The following AMY2B variants were observed in gnomAD, a reference collection of about 807,000 sequenced individuals.
The protein encoded by AMY2B is amylase alpha 2B.
A neutral mutation model predicts 59.3 loss-of-function variants in AMY2B; 63 were observed. The ratio of observed to expected loss-of-function variants is 1.06; its 90% CI spans 0.87 to 1.31. The LOEUF is 1.31. Among genes scored for constraint, AMY2B ranks in the 50% most tolerant of loss-of-function variants. The probability of loss-of-function intolerance (pLI) is 0.00; values close to 1 mark genes in which losing one functional copy is unlikely to be tolerated. For missense variants in AMY2B, 635 were observed against 626.7 expected (o/e 1.01, Z -0.14); for synonymous variants, 180 against 198.1 (o/e 0.91, Z 0.77).
chr1:103,575,444 G>A lies in AMY2B; in HGVS notation c.1005G>A (p.Leu335=), dbSNP rs1460819565. The stretch of plus-strand genomic sequence containing the variant: ...AATATAATTATGTAACTTTCAGGCT[G>A]TATAAAATGGCAGTTGGATTTATGC... The part of the protein sequence containing the change: ...ASILTFWDAR[L]YKMAVGFMLA... The change falls in exon 7 of 10, where the codon CTG becomes CTA. Residue 335 remains leucine, a synonymous_variant. Transcript: ENST00000684275. 1 of 1,613,498 alleles carries A rather than the reference G, an allele frequency of 6.2e-7. No homozygotes were observed. Among genetic ancestry groups the A allele is most frequent in the South Asian group, 1.1e-5 (1 of 91,022 alleles).
In AMY2B at chr1:103,555,118, C is replaced by T. The variant is rs1436072056; in HGVS notation, c.-207+9C>T. On this transcript the variant is annotated intron_variant, in intron 1 of 11. Coordinates refer to the AMY2B transcript ENST00000361355. ...ACCTGGACTATGGAACTGTGCGTAA[C>T]AGCTTTGAAAGTGTATTTAAAAATT... The T allele has an allele frequency of 3.3e-5, 5 of 151,922 alleles. No individual in the cohort carries two copies. In the East Asian group the frequency reaches 9.6e-4, roughly 29 times the overall value. The allele number at this position is 151,922 out of a possible 1,614,324, so 9.4% of individuals were successfully genotyped here.
At chr1:103,578,505 G>T (rs1444623599) in intron 9 of AMY2B, among the ~76,000 whole-genome samples, 1 of 152,142 alleles carries the variant, frequency 6.6e-6, no homozygotes, top group Non-Finnish European at 1.5e-5. Context: ...GTTGCAAACA[G>T]TTGAATTGTC....
chr1:103,571,444 T>C, upstream of AMY2B: 2 of 1,440,084 alleles, frequency 1.4e-6, no homozygotes, highest in South Asian at 2.8e-5. Context: ...CTTTTTAATG[T>C]TCTTCTCCTG....
intron 1 of AMY2B, among the ~76,000 whole-genome samples, chr1:103,557,654 A>G (rs1310122337): frequency 6.6e-6 from 1 of 152,110 alleles, no homozygotes; most frequent in African/African-American, 2.4e-5. Context: ...TTAAAAAAAA[A>G]AAAAGTATTT....
chr1:103,570,419 CA>C, upstream of AMY2B: 1 of 875,716 alleles, frequency 1.1e-6, no homozygotes. Context: ...TGGACATCCG[CA>C]AAGACCTGTA....
rs955688437 is a variant in AMY2B, at chr1:103,575,627, A to G, written c.1101+87A>G. 4 of 1,546,706 alleles carry G rather than the reference A, an allele frequency of 2.6e-6. No homozygotes were observed. In the African/African-American group the frequency reaches 5.5e-5, roughly 21 times the overall value. ...ACTTAATATGACAACTATTAATTAT[A>G]TATTCAACAAATAATTGATTAGAAA... is the stretch of plus-strand genomic sequence containing the variant. On this transcript the variant is annotated intron_variant, in intron 7 of 9. Coordinates refer to ENST00000684275, the MANE Select transcript of AMY2B (RefSeq NM_001387437.1).
chr1:103,562,167 C>A (rs1022413607), intron 1 of AMY2B: 34 of 152,226 alleles, frequency 2.2e-4, no homozygotes, highest in African/African-American at 7.7e-4. Context: ...TAAGTGGTTT[C>A]TGTCACATGA....
rs1212050010 is a variant in AMY2B at position 103,574,311 on chromosome 1, G to C, written c.796G>C (p.Gly266Arg). 4 of 1,611,590 alleles carry C rather than the reference G, an allele frequency of 2.5e-6. No individual in the cohort carries two copies. The highest frequency in any genetic ancestry group is 3.4e-6 in the Non-Finnish European group (4 of 1,179,724). The change falls in exon 5 of 10, where the codon GGC (glycine) becomes CGC (arginine). Residue 266 changes from glycine to arginine, a missense_variant. Gly to Arg is a moderately radical substitution (Grantham distance 125). Transcript: ENST00000684275. ...PIKSSDYFGN[G>R]RVTEFKYGAK... ...TAAAAGCAGTGACTACTTTGGAAATGGCCGGGTGACAGAATTCAAGTATGG... is the reference window on the plus strand; with the variant it reads ...TAAAAGCAGTGACTACTTTGGAAATCGCCGGGTGACAGAATTCAAGTATGG...
At chr1:103,578,755 A>G (rs919557654) in intron 9 of AMY2B, among the ~76,000 whole-genome samples, 4 of 151,802 alleles carry the variant, frequency 2.6e-5, no homozygotes, top group African/African-American at 7.3e-5. Context: ...GATTGTTTCT[A>G]TGTATGCCCC....
intron 7 of AMY2B, 56 bp from the exon 8 acceptor site, chr1:103,577,434 G>C: frequency 6.2e-7 from 1 of 1,611,398 alleles, no homozygotes; most frequent in Non-Finnish European, 8.5e-7. Flanking sequence ...GTTTAAAGGA[G>C]AAGGAAGAGG....
chr1:103,567,017 G>C (rs1295643667), upstream of AMY2B, among the ~76,000 whole-genome samples: 1 of 151,964 alleles, frequency 6.6e-6, no homozygotes, highest in Non-Finnish European at 1.5e-5. Context: ...AAGAAGCTTG[G>C]TCCAGAATGA....
At chr1:103,568,271 C>T (rs1302152054), upstream of AMY2B, 1 of 152,156 alleles carries the variant, frequency 6.6e-6, no homozygotes, top group Non-Finnish European at 1.5e-5. Flanking sequence ...GTTTTTCCTA[C>T]CTGTACTATT....
intron 1 of AMY2B, among the ~76,000 whole-genome samples, chr1:103,562,970 A>G (rs1216497969): frequency 6.6e-6 from 1 of 152,048 alleles, no homozygotes; most frequent in African/African-American, 2.4e-5. Context: ...AGTTTACACT[A>G]GAGCCGTTTC....
intron 9 of AMY2B, among the ~76,000 whole-genome samples, chr1:103,578,729 C>T (rs1166208241): frequency 6.6e-6 from 1 of 151,980 alleles, no homozygotes; most frequent in African/African-American, 2.4e-5. Context: ...ACTATCACTT[C>T]TTCATAGAAA....
upstream of AMY2B, chr1:103,570,654 G>T: frequency 5.1e-6 from 3 of 586,402 alleles, no homozygotes; most frequent in Admixed American, 1.9e-5. Flanking sequence ...CCCCTCCATC[G>T]TCCACCGCAA....
chr1:103,571,206 C>A (rs536526656), upstream of AMY2B: 6 of 758,218 alleles, frequency 7.9e-6, no homozygotes, highest in Admixed American at 2.0e-4. Context: ...GAGTTGGAAG[C>A]GGTTTGCATT....
At chr1:103,577,644 A>T in intron 8 of AMY2B, 36 bp downstream of exon 8, 1 of 1,611,920 alleles carries the variant, frequency 6.2e-7, no homozygotes, top group East Asian at 2.2e-5. Context: ...CTCTAATAGT[A>T]AACTTTCCAT....
At chr1:103,556,594 A>G (rs1272816926) in intron 1 of AMY2B, among the ~76,000 whole-genome samples, 3 of 151,898 alleles carry the variant, frequency 2.0e-5, no homozygotes, top group Non-Finnish European at 4.4e-5. Context: ...TACTAAGTAT[A>G]GTATAATAGT....
chr1:103,572,385 T>C, intron 2 of AMY2B, 129 bp downstream of exon 2: 2 of 1,461,546 alleles, frequency 1.4e-6, no homozygotes, highest in Non-Finnish European at 1.8e-6. Context: ...ACTTTAAAAC[T>C]CAAAATTAAC....
Sources: allele counts gnomAD v4.1 joint callset (sites outside exome capture counted in the v4.1 genomes callset), GRCh38; gene constraint gnomAD v4.1.1; transcripts MANE v1.5; gene names NCBI Gene and HGNC (gene_info 2026-07-23, HGNC 2026-07-21).